XKR9: variants seen among roughly 807,000 people sequenced by gnomAD.
XKR9 encodes XK-related protein 9.
XKR9 carries 32 observed loss-of-function variants against 32.0 expected under a neutral mutation model. That is an observed-to-expected ratio of 1.00 (90% CI 0.76 to 1.34). XKR9 has a LOEUF of 1.34. Ranked by LOEUF, XKR9 falls within the 40% of genes most tolerant of loss-of-function variation. XKR9 has a pLI of 0.00. For missense variants in XKR9, 546 were observed against 429.7 expected, an observed-to-expected ratio of 1.27 and a Z score of -2.39; for synonymous variants, 168 against 143.4, an observed-to-expected ratio of 1.17 and a Z score of -1.22.
At chr8:70,868,654 C>G in the XKR9 span, among the ~76,000 whole-genome samples, 4 of 152,106 alleles carry the variant, frequency 2.6e-5, no homozygotes, top group Non-Finnish European at 5.9e-5. Context: ...GAGGGGCTAC[C>G]GTGAAAACCT....
chr8:70,803,998 G>A, the XKR9 span, among the ~76,000 whole-genome samples: 1 of 152,244 alleles, frequency 6.6e-6, no homozygotes, highest in East Asian at 1.9e-4. Context: ...CAGGACAACA[G>A]GAGGCTGCAC....
At chr8:70,925,361 G>A in the XKR9 span, among the ~76,000 whole-genome samples, 1 of 152,098 alleles carries the variant, frequency 6.6e-6, no homozygotes, top group Admixed American at 6.6e-5. Flanking sequence ...AAGAAAAGTT[G>A]AAGAAGATAA....
chr8:70,907,361 G>C, the XKR9 span, among the ~76,000 whole-genome samples: 1 of 152,098 alleles, frequency 6.6e-6, no homozygotes, highest in Non-Finnish European at 1.5e-5. Flanking sequence ...TGATAGAATA[G>C]ATCACACTTC....
the XKR9 span, among the ~76,000 whole-genome samples, chr8:70,923,450 A>G: frequency 2.0e-5 from 3 of 152,288 alleles, no homozygotes; most frequent in Admixed American, 6.5e-5. Flanking sequence ...GTTACTCTGG[A>G]TCCCTGTCTC....
chr8:70,719,946 C>G (rs1467199253), intron 4 of XKR9, among the ~76,000 whole-genome samples: 1 of 152,092 alleles, frequency 6.6e-6, no homozygotes, highest in Non-Finnish European at 1.5e-5. Flanking sequence ...AATGATTTTT[C>G]CATTTGTTTG....
the XKR9 span, among the ~76,000 whole-genome samples, chr8:71,012,919 C>T: frequency 1.3e-5 from 2 of 152,248 alleles, no homozygotes; most frequent in East Asian, 1.9e-4. Context: ...GGTACTTACC[C>T]CAATATAGTC....
the XKR9 span, among the ~76,000 whole-genome samples, chr8:70,898,233 G>A: frequency 3.9e-5 from 6 of 152,246 alleles, no homozygotes; most frequent in East Asian, 1.2e-3. Flanking sequence ...ACTGTTAAAT[G>A]TATGGATTTG....
At chr8:70,971,597 T>G in the XKR9 span, among the ~76,000 whole-genome samples, 63 of 152,312 alleles carry the variant, frequency 4.1e-4, no homozygotes, top group African/African-American at 1.5e-3. Flanking sequence ...GGTTTCAGAC[T>G]TAGATTTAAG....
chr8:70,950,016 C>T, the XKR9 span, among the ~76,000 whole-genome samples: 2 of 152,238 alleles, frequency 1.3e-5, no homozygotes, highest in South Asian at 2.1e-4. Context: ...TTCTTCCCTG[C>T]TAGCAGCCTT....
chr8:70,673,201 C>T (rs1268147752), intron 1 of XKR9, among the ~76,000 whole-genome samples: 1 of 152,136 alleles, frequency 6.6e-6, no homozygotes, highest in African/African-American at 2.4e-5. Context: ...TAAGGTCTTA[C>T]GTTTAATCCT....
intron 2 of XKR9, among the ~76,000 whole-genome samples, chr8:70,767,995 A>G (rs889847753): frequency 6.6e-6 from 1 of 151,912 alleles, no homozygotes; most frequent in Non-Finnish European, 1.5e-5. Flanking sequence ...TTGCTTCTGT[A>G]GTTCTTTAAT....
At chr8:70,789,333 A>G (rs1280375471) in intron 2 of XKR9, 1 of 152,134 alleles carries the variant, frequency 6.6e-6, no homozygotes, top group Non-Finnish European at 1.5e-5. Context: ...ATCTTCATAC[A>G]TATAGGAAGC....
At chr8:70,982,730 C>T in the XKR9 span, among the ~76,000 whole-genome samples, 9 of 152,144 alleles carry the variant, frequency 5.9e-5, no homozygotes, top group Non-Finnish European at 7.3e-5. Flanking sequence ...TGGTATGTTC[C>T]TGCCGTAGTT....
the XKR9 span, among the ~76,000 whole-genome samples, chr8:70,870,951 C>T: frequency 1.3e-5 from 2 of 152,164 alleles, no homozygotes; most frequent in South Asian, 4.1e-4. Flanking sequence ...GCAAAACCTC[C>T]TGAAACTGTG....
At chr8:70,883,124 C>T in the XKR9 span, among the ~76,000 whole-genome samples, 3 of 151,440 alleles carry the variant, frequency 2.0e-5, no homozygotes, top group Non-Finnish European at 2.9e-5. Context: ...GTTCCTCACC[C>T]CCCTTCCCAA....
At chr8:70,771,178 C>A (rs1415250428) in intron 2 of XKR9, among the ~76,000 whole-genome samples, 1 of 152,156 alleles carries the variant, frequency 6.6e-6, no homozygotes, top group Non-Finnish European at 1.5e-5. Context: ...AGTTCCCTGA[C>A]CCCTTGTGCT....
chr8:70,758,030 A>T (rs771591512), intron 2 of XKR9, among the ~76,000 whole-genome samples: 1 of 152,036 alleles, frequency 6.6e-6, no homozygotes, highest in Non-Finnish European at 1.5e-5. Context: ...TGCTTGCCTC[A>T]TAATTTTTTG....
At chr8:70,846,517 G>A in the XKR9 span, among the ~76,000 whole-genome samples, 2 of 151,872 alleles carry the variant, frequency 1.3e-5, no homozygotes, top group African/African-American at 4.8e-5. Flanking sequence ...GTAGGAATAA[G>A]TCTTCATATA....
the XKR9 span, among the ~76,000 whole-genome samples, chr8:71,059,200 G>A: frequency 6.6e-6 from 1 of 152,230 alleles, no homozygotes; most frequent in Non-Finnish European, 1.5e-5. Flanking sequence ...ACCTTGGAGT[G>A]TCAACCTTTG....
Sources: gnomAD v4.1 joint callset for allele counts (sites outside exome capture counted in the v4.1 genomes callset) on GRCh38, gnomAD v4.1.1 for gene constraint, MANE v1.5 for transcripts, NCBI Gene and HGNC (gene_info 2026-07-23, HGNC 2026-07-21) for gene names.